SCCPDH: variants seen among roughly 807,000 people sequenced by gnomAD.
SCCPDH encodes saccharopine dehydrogenase (putative).
In SCCPDH, 34 loss-of-function variants were observed where a neutral mutation model predicts 51.5. That is an observed-to-expected ratio of 0.66 (90% CI 0.50 to 0.88). SCCPDH has a LOEUF of 0.88. Ranked by LOEUF, SCCPDH falls within the 40% of genes least tolerant of loss-of-function variation. The pLI is 0.00. For synonymous variants in SCCPDH, 187 were observed against 191.3 expected (o/e 0.98, Z 0.19); for missense variants, 464 against 527.1 (o/e 0.88, Z 1.17).
intron 3 of SCCPDH, among the ~76,000 whole-genome samples, chr1:246,739,523 G>C (rs1264700939): frequency 2.6e-5 from 4 of 152,124 alleles, no homozygotes; most frequent in Admixed American, 2.6e-4. Context: ...AGAAAAAGGG[G>C]TTCAGTTAAA....
At chr1:246,732,411 C>T (rs1329486540) in intron 2 of SCCPDH, among the ~76,000 whole-genome samples, 3 of 150,188 alleles carry the variant, frequency 2.0e-5, no homozygotes, top group East Asian at 3.9e-4. Flanking sequence ...TTTTTTGAGG[C>T]GGTTCTTGCT....
chr1:246,732,399 T>C (rs1377599854), intron 2 of SCCPDH, among the ~76,000 whole-genome samples: 2 of 152,030 alleles, frequency 1.3e-5, no homozygotes, highest in Admixed American at 6.5e-5. Flanking sequence ...CCAGATTTTT[T>C]TTTTTTTGAG....
At position 246,736,722 on chromosome 1, in the gene SCCPDH, A is replaced by G. The variant is rs557569739; in HGVS notation, c.384+667A>G. On this transcript the variant is annotated intron_variant, in intron 3 of 11. Coordinates refer to ENST00000366510, the MANE Select transcript of SCCPDH (RefSeq NM_016002.3). ...ACTCTGTCTCAAAAAAAAAAAGAAA[A>G]TTCAGTTACCTTTATAACATTACAG... 4.5e-4 allele frequency among the ~76,000 whole-genome samples: 68 copies of G among 152,270 alleles called. 3 individuals carry two copies. The South Asian group carries it at 0.014, about 31-fold the overall frequency.
chr1:246,750,592 C>G (rs1668837101), intron 5 of SCCPDH, among the ~76,000 whole-genome samples: 1 of 152,104 alleles, frequency 6.6e-6, no homozygotes, highest in South Asian at 2.1e-4. Flanking sequence ...TATCCAGTAC[C>G]TGGGCTAATT....
At chr1:246,746,440 G>T (rs1479655381) in intron 5 of SCCPDH, among the ~76,000 whole-genome samples, 6 of 152,222 alleles carry the variant, frequency 3.9e-5, no homozygotes, top group Admixed American at 3.3e-4. Context: ...GCGGCGCCGG[G>T]CTGTCTGCCT....
chr1:246,742,579 A>C lies in SCCPDH; in HGVS notation c.515-1497A>C, dbSNP rs191287825. Among the ~76,000 whole-genome samples the C allele has an allele frequency of 1.6e-3, 242 of 152,278 alleles. 1 individual carries two copies. The highest frequency in any genetic ancestry group is 2.7e-3 in the Non-Finnish European group (183 of 68,026). ...GAATCGCTCTAGTGAGTTATACGTT[A>C]ATGATCTGCTTTTTATTTTTGTCTG... On this transcript the variant is annotated intron_variant, in intron 4 of 11. Coordinates refer to ENST00000366510, the MANE Select transcript of SCCPDH (RefSeq NM_016002.3).
chr1:246,762,954 A>T (rs898104148), intron 9 of SCCPDH, among the ~76,000 whole-genome samples: 1 of 151,958 alleles, frequency 6.6e-6, no homozygotes, highest in Non-Finnish European at 1.5e-5. Context: ...GCCTGAAAGC[A>T]TAGAGCAGTG....
At chr1:246,744,674 G>A (rs1041066917) in intron 5 of SCCPDH, among the ~76,000 whole-genome samples, 3 of 152,062 alleles carry the variant, frequency 2.0e-5, no homozygotes, top group Admixed American at 6.6e-5. Context: ...GGAGTGCAGT[G>A]GTGTGATCTT....
intron 5 of SCCPDH, among the ~76,000 whole-genome samples, chr1:246,751,346 G>C (rs1053694002): frequency 1.3e-5 from 2 of 152,118 alleles, no homozygotes; most frequent in Non-Finnish European, 2.9e-5. Flanking sequence ...AACCTGTTGT[G>C]CTTTTATTTT....
chr1:246,740,581 A>C (rs1486364243), intron 4 of SCCPDH, among the ~76,000 whole-genome samples: 1 of 152,238 alleles, frequency 6.6e-6, no homozygotes, highest in Non-Finnish European at 1.5e-5. Flanking sequence ...GCAACGTTAT[A>C]AATTCAAACT....
intron 5 of SCCPDH, among the ~76,000 whole-genome samples, chr1:246,755,315 G>C (rs1668913961): frequency 1.3e-5 from 2 of 152,160 alleles, no homozygotes; most frequent in African/African-American, 4.8e-5. Context: ...TTTCTAAAAT[G>C]TATGTGGAAA....
chr1:246,742,756 C>G (rs1168902108), intron 4 of SCCPDH, among the ~76,000 whole-genome samples: 2 of 152,110 alleles, frequency 1.3e-5, no homozygotes, highest in Admixed American at 1.3e-4. Flanking sequence ...AACATTGTCT[C>G]TTAAGGAATG....
intron 9 of SCCPDH, among the ~76,000 whole-genome samples, chr1:246,762,568 G>C (rs995262926): frequency 6.6e-6 from 1 of 152,134 alleles, no homozygotes. Flanking sequence ...ATGGCCGGGC[G>C]CAGTGGCTCA....
chr1:246,747,932 G>A (rs976762580), intron 5 of SCCPDH, among the ~76,000 whole-genome samples: 3 of 152,028 alleles, frequency 2.0e-5, no homozygotes, highest in African/African-American at 4.8e-5. Flanking sequence ...ACAGGGGAGC[G>A]GAACATAACT....
At chr1:246,740,813 G>A (rs1668664798) in intron 4 of SCCPDH, among the ~76,000 whole-genome samples, 1 of 152,126 alleles carries the variant, frequency 6.6e-6, no homozygotes, top group Non-Finnish European at 1.5e-5. Context: ...GGGTGTGGTG[G>A]CTTACACCCA....
At chr1:246,728,916 A>G (rs956688622) in intron 2 of SCCPDH, among the ~76,000 whole-genome samples, 1 of 152,178 alleles carries the variant, frequency 6.6e-6, no homozygotes, top group African/African-American at 2.4e-5. Context: ...GTTCTTTTCT[A>G]TTTTCCCTAA....
rs1226635990 is a variant in SCCPDH at position 246,758,228 on chromosome 1, G to T, written c.567G>T (p.Gly189=). The change falls in exon 6 of 12, where the codon GGG becomes GGT. Residue 189 remains glycine, a splice_region_variant and synonymous_variant. Coordinates refer to ENST00000366510, the MANE Select transcript of SCCPDH (RefSeq NM_016002.3). ...SFLTIHSGPE[G]LSIHDGTWKS... ...TAACTCTTGAAATATTTTATTAGGG[G>T]TTGAGCATTCATGATGGTACCTGGA... 7 of 1,586,568 alleles carry T rather than the reference G, an allele frequency of 4.4e-6. No individual in the cohort carries two copies. Among genetic ancestry groups the T allele is most frequent in the African/African-American group, 4.1e-5 (3 of 73,436 alleles).
chr1:246,764,853 A>G (rs1030710439), intron 10 of SCCPDH, among the ~76,000 whole-genome samples: 5 of 152,250 alleles, frequency 3.3e-5, no homozygotes, highest in Admixed American at 2.0e-4. Flanking sequence ...TTACAGAACT[A>G]TGCAGAGACA....
In SCCPDH at chr1:246,740,280, T is replaced by C; in HGVS notation, c.493T>C (p.Tyr165His). Reference sequence around the variant, plus strand: ...CATTCCAGCAGATCTGGGAGTAATATATACCAGAAATAAAATGAATGGTAA... The same window carrying C: ...CATTCCAGCAGATCTGGGAGTAATACATACCAGAAATAAAATGAATGGTAA... Reference protein sequence around the residue: ...DSIPADLGVIYTRNKMNGTLT... With the variant: ...DSIPADLGVIHTRNKMNGTLT... Residue 165 changes from tyrosine (Y) to histidine (H), a missense_variant, in exon 4 of 12, where the codon TAT becomes CAT. Coordinates refer to ENST00000366510, the MANE Select transcript of SCCPDH (RefSeq NM_016002.3). The C allele has an allele frequency of 6.3e-7, 1 of 1,599,104 alleles. No individual in the cohort carries two copies. Among genetic ancestry groups the C allele is most frequent in the South Asian group, 1.1e-5 (1 of 89,048 alleles).
Sources: gnomAD v4.1 joint callset for allele counts (sites outside exome capture counted in the v4.1 genomes callset) on GRCh38, gnomAD v4.1.1 for gene constraint, MANE v1.5 for transcripts, NCBI Gene and HGNC (gene_info 2026-07-23, HGNC 2026-07-21) for gene names.